PRKAG2: variants seen among roughly 807,000 people sequenced by gnomAD.
PRKAG2 encodes 5'-AMP-activated protein kinase subunit gamma-2.
A neutral mutation model predicts 69.6 loss-of-function variants in PRKAG2; 26 were observed. The ratio of observed to expected loss-of-function variants is 0.37; its 90% CI spans 0.27 to 0.52. PRKAG2 has a LOEUF of 0.52. Ranked by LOEUF, PRKAG2 falls within the 20% of genes least tolerant of loss-of-function variation. The pLI is 0.90. For missense variants in PRKAG2, 557 were observed against 740.0 expected (o/e 0.75, Z 2.87); for synonymous variants, 293 against 285.0 (o/e 1.03, Z -0.28).
chr7:151,739,193 G>A (rs922295426), intron 3 of PRKAG2, among the ~76,000 whole-genome samples: 4 of 152,244 alleles, frequency 2.6e-5, no homozygotes, highest in East Asian at 1.9e-4. Flanking sequence ...TCGACTGGTA[G>A]AGCAACTGCT....
At chr7:151,683,050 A>G (rs1301153619) in intron 3 of PRKAG2, among the ~76,000 whole-genome samples, 1 of 152,238 alleles carries the variant, frequency 6.6e-6, no homozygotes, top group Non-Finnish European at 1.5e-5. Context: ...GACTTTGTTT[A>G]GGACGCCGCC....
intron 3 of PRKAG2, among the ~76,000 whole-genome samples, chr7:151,739,783 C>T (rs185981473): frequency 3.5e-4 from 53 of 152,196 alleles, no homozygotes; most frequent in Non-Finnish European, 6.2e-4. Flanking sequence ...AATTTTCTAA[C>T]CTACCTGCTT....
chr7:151,742,004 C>T (rs1434006121), intron 3 of PRKAG2, among the ~76,000 whole-genome samples: 2 of 152,130 alleles, frequency 1.3e-5, no homozygotes, highest in Non-Finnish European at 2.9e-5. Flanking sequence ...TTCATCCTTC[C>T]CACACATGAG....
At chr7:151,647,910 C>T (rs905139699) in intron 4 of PRKAG2, among the ~76,000 whole-genome samples, 1 of 152,022 alleles carries the variant, frequency 6.6e-6, no homozygotes, top group Admixed American at 6.6e-5. Context: ...AGAGGTACTG[C>T]AGAGATAAGA....
intron 1 of PRKAG2, among the ~76,000 whole-genome samples, chr7:151,818,418 T>G (rs1294946533): frequency 6.8e-6 from 1 of 146,624 alleles, no homozygotes; most frequent in East Asian, 2.1e-4. Context: ...AAAAGTCAAA[T>G]GCTGCATGCC....
intron 3 of PRKAG2, among the ~76,000 whole-genome samples, chr7:151,753,558 T>G (rs2074858804): frequency 6.6e-6 from 1 of 152,118 alleles, no homozygotes; most frequent in Non-Finnish European, 1.5e-5. Flanking sequence ...TGTTTGAAAT[T>G]GTCAAAATAA....
intron 1 of PRKAG2, among the ~76,000 whole-genome samples, chr7:151,873,907 G>T (rs922412793): frequency 1.3e-5 from 2 of 152,000 alleles, no homozygotes; most frequent in African/African-American, 4.8e-5. Context: ...CTGGACAATG[G>T]CATGTTCTTG....
rs778137887 is a variant in PRKAG2, at chr7:151,574,871, T to C, written c.1005+20A>G. ...ATACGTACAGCTCCAACTACTGACA[T>C]AGGAACTGGTGCCACTTACCATAGG... On this transcript the variant is annotated intron_variant, in intron 8 of 15. Coordinates refer to ENST00000287878, the MANE Select transcript of PRKAG2 (RefSeq NM_016203.4). 31 of 1,613,492 alleles carry C rather than the reference T, an allele frequency of 1.9e-5. No individual in the cohort carries two copies. The highest frequency in any genetic ancestry group is 4.5e-5 in the East Asian group (2 of 44,778).
chr7:151,635,679 A>ACTATGCC (rs1472724917), intron 4 of PRKAG2, among the ~76,000 whole-genome samples: 1 of 152,048 alleles, frequency 6.6e-6, no homozygotes, highest in Non-Finnish European at 1.5e-5. Context: ...GCCGGGGATC[A>ACTATGCC]GGGGCTGGGG....
rs537316375 is a variant in PRKAG2, at chr7:151,804,862, T to C, written c.115-18321A>G. 3.3e-5 allele frequency among the ~76,000 whole-genome samples: 5 copies of C among 152,302 alleles called. No individual in the cohort carries two copies. In the East Asian group the frequency reaches 7.7e-4, roughly 24 times the overall value. ...CAGGTTTTGTTGCGGCTGCTGTTCA[T>C]AGAACAAAACCAGAGCTCCAGGAGT... On this transcript the variant is annotated intron_variant, in intron 1 of 15. Transcript: ENST00000287878.
At chr7:151,591,206 G>A (rs1327694236) in intron 6 of PRKAG2, among the ~76,000 whole-genome samples, 1 of 146,864 alleles carries the variant, frequency 6.8e-6, no homozygotes, top group Non-Finnish European at 1.5e-5. Flanking sequence ...GCCCCTGCCT[G>A]GACACATACT....
intron 1 of PRKAG2, among the ~76,000 whole-genome samples, chr7:151,849,052 G>A (rs2079508136): frequency 6.6e-6 from 1 of 152,146 alleles, no homozygotes; most frequent in South Asian, 2.1e-4. Context: ...GCTCCTGCAG[G>A]GTGTTCTGAA....
chr7:151,826,408 C>T (rs2078906365), intron 1 of PRKAG2, among the ~76,000 whole-genome samples: 1 of 152,110 alleles, frequency 6.6e-6, no homozygotes, highest in Non-Finnish European at 1.5e-5. Context: ...GTCTCGAACT[C>T]CTGATCTTAG....
At chr7:151,704,155 C>T (rs1207566475) in intron 3 of PRKAG2, among the ~76,000 whole-genome samples, 14 of 152,020 alleles carry the variant, frequency 9.2e-5, no homozygotes, top group Middle Eastern at 3.2e-3. Context: ...AAGCTGGTCA[C>T]GGGGAATGGG....
At chr7:151,805,172 G>A (rs2078039377) in intron 1 of PRKAG2, among the ~76,000 whole-genome samples, 1 of 152,220 alleles carries the variant, frequency 6.6e-6, no homozygotes, top group Admixed American at 6.5e-5. Flanking sequence ...GGTTAGGTGA[G>A]AAGGAACCTC....
intron 3 of PRKAG2, among the ~76,000 whole-genome samples, chr7:151,778,990 G>A (rs1411638830): frequency 2.0e-5 from 3 of 151,892 alleles, no homozygotes; most frequent in Admixed American, 6.6e-5. Context: ...ACCCATATAT[G>A]CTGTGTTCAA....
chr7:151,855,292 ACACACCACCCTCCACACACACCACCCTCC>A (rs1288017707), intron 1 of PRKAG2, among the ~76,000 whole-genome samples: 1 of 132,382 alleles, frequency 7.6e-6, no homozygotes, highest in Non-Finnish European at 1.6e-5. Context: ...ACCACCCTCC[ACACACCACCCTCCACACACACCACCCTCC>A]CACACACCGC....
intron 5 of PRKAG2, among the ~76,000 whole-genome samples, chr7:151,611,606 C>T (rs1818884976): frequency 6.6e-6 from 1 of 152,140 alleles, no homozygotes; most frequent in Admixed American, 6.5e-5. Flanking sequence ...GTGGATCCAG[C>T]AGAGCCGAGC....
In PRKAG2 at chr7:151,771,299, C is replaced by T. The variant is rs549794591; in HGVS notation, c.466+9853G>A. 2.6e-5 allele frequency among the ~76,000 whole-genome samples: 4 copies of T among 152,292 alleles called. No homozygotes were observed. Among genetic ancestry groups the T allele is most frequent in the Admixed American group, 6.5e-5 (1 of 15,302 alleles). On this transcript the variant is annotated intron_variant, in intron 3 of 15. Transcript: ENST00000287878. The surrounding 1 kb of genome is among the most constrained non-coding windows in gnomAD (Gnocchi z 4.0). ...CATTATATCACTTCTATCAGCACCA[C>T]GTTTCTTGTCTTTCCAAGTCTGCTG...
Sources: allele counts gnomAD v4.1 joint callset (sites outside exome capture counted in the v4.1 genomes callset), GRCh38; gene constraint gnomAD v4.1.1; non-coding constraint Gnocchi (gnomAD v3.1); transcripts MANE v1.5; gene names NCBI Gene and HGNC (gene_info 2026-07-23, HGNC 2026-07-21).